Variants in CADM2 observed in about 807,000 individuals in gnomAD.
The protein encoded by CADM2 is immunoglobulin superfamily member 4D.
A neutral mutation model predicts 49.8 loss-of-function variants in CADM2; 12 were observed. The observed-to-expected ratio is 0.24, with a 90% confidence interval of 0.15 to 0.39. The LOEUF (loss-of-function observed/expected upper bound fraction) is 0.39. CADM2 is among the 10% of genes least tolerant of loss of function. The pLI is 1.00. For synonymous variants in CADM2, 214 were observed against 175.4 expected (o/e 1.22, Z -1.74); for missense variants, 378 against 492.3 (o/e 0.77, Z 2.20).
chr3:85,706,209 A>C (rs748014524), intron 1 of CADM2, among the ~76,000 whole-genome samples: 7 of 152,232 alleles, frequency 4.6e-5, no homozygotes, highest in Middle Eastern at 6.8e-3. Flanking sequence ...TTCTGAATTA[A>C]CTCTACATTG....
At chr3:85,874,306 A>G (rs1711522483) in intron 3 of CADM2, among the ~76,000 whole-genome samples, 1 of 152,176 alleles carries the variant, frequency 6.6e-6, no homozygotes, top group African/African-American at 2.4e-5. Context: ...GTAAATGCCA[A>G]CTGAAGGCTT....
chr3:85,829,547 T>C (rs1426020434), intron 3 of CADM2, among the ~76,000 whole-genome samples: 1 of 152,000 alleles, frequency 6.6e-6, no homozygotes, highest in East Asian at 1.9e-4. Context: ...TAAGTATGCA[T>C]TGTGTAATGA....
At chr3:85,617,743 C>T (rs377583628) in intron 1 of CADM2, among the ~76,000 whole-genome samples, 2 of 152,026 alleles carry the variant, frequency 1.3e-5, no homozygotes, top group Non-Finnish European at 1.5e-5. Flanking sequence ...ACCAGTCAGT[C>T]ATTAGGATAA....
chr3:85,039,827 ACTC>A (rs1233070513), intron 1 of CADM2, among the ~76,000 whole-genome samples: 1 of 152,146 alleles, frequency 6.6e-6, no homozygotes, highest in Non-Finnish European at 1.5e-5. Flanking sequence ...ACTTGCTACT[ACTC>A]CTCTTAACTG....
At chr3:85,215,501 G>A (rs2107779902) in intron 1 of CADM2, among the ~76,000 whole-genome samples, 1 of 152,066 alleles carries the variant, frequency 6.6e-6, no homozygotes, top group South Asian at 2.1e-4. Context: ...CAAACAGAGG[G>A]AAGGTTTTTC....
intron 1 of CADM2, among the ~76,000 whole-genome samples, chr3:85,529,285 T>G (rs186329571): frequency 6.6e-6 from 1 of 152,318 alleles, no homozygotes; most frequent in African/African-American, 2.4e-5. Flanking sequence ...TAAGTACACC[T>G]GCAGTTATCC....
chr3:85,092,145 G>T (rs977978742), intron 1 of CADM2, among the ~76,000 whole-genome samples: 17 of 151,958 alleles, frequency 1.1e-4, no homozygotes, highest in Admixed American at 9.8e-4. Context: ...AAAACAATGC[G>T]CCCTGTCCTG....
At chr3:85,883,496 T>A in intron 4 of CADM2, 53 bp downstream of exon 4, 1 of 1,439,610 alleles carries the variant, frequency 6.9e-7, no homozygotes, top group South Asian at 1.3e-5. Flanking sequence ...TGATATATAT[T>A]GCTACAGCAA....
intron 7 of CADM2, among the ~76,000 whole-genome samples, chr3:85,936,227 C>T (rs996991163): frequency 2.0e-5 from 3 of 151,700 alleles, no homozygotes; most frequent in Non-Finnish European, 2.9e-5. Context: ...CCCCAAAATA[C>T]GCCCAAGTTT....
intron 1 of CADM2, among the ~76,000 whole-genome samples, chr3:85,379,854 T>G (rs1326634753): frequency 6.6e-6 from 1 of 152,108 alleles, no homozygotes; most frequent in Non-Finnish European, 1.5e-5. Flanking sequence ...TGGCTTTTAT[T>G]CTATAACTGG....
At chr3:85,894,234 A>T (rs1171073987) in intron 5 of CADM2, among the ~76,000 whole-genome samples, 1 of 152,198 alleles carries the variant, frequency 6.6e-6, no homozygotes, top group Non-Finnish European at 1.5e-5. Context: ...ATTCTCAGCA[A>T]ACTATTGCAA....
At chr3:85,459,568 T>C (rs1198211498) in intron 1 of CADM2, among the ~76,000 whole-genome samples, 1 of 152,258 alleles carries the variant, frequency 6.6e-6, no homozygotes, top group African/African-American at 2.4e-5. Flanking sequence ...ATCAAATTAG[T>C]GTGACCCTAA....
chr3:85,077,902 T>C (rs1315019105), intron 1 of CADM2, among the ~76,000 whole-genome samples: 1 of 152,076 alleles, frequency 6.6e-6, no homozygotes, highest in Non-Finnish European at 1.5e-5. Context: ...CATGACTTGT[T>C]TCTTACTATT....
intron 1 of CADM2, among the ~76,000 whole-genome samples, chr3:85,043,872 T>A (rs1049598585): frequency 6.6e-6 from 1 of 152,138 alleles, no homozygotes; most frequent in Non-Finnish European, 1.5e-5. Flanking sequence ...TAGAAGTATA[T>A]ATGAATGCTA....
intron 7 of CADM2, among the ~76,000 whole-genome samples, chr3:85,937,820 T>G (rs376489986): frequency 1.3e-5 from 2 of 152,122 alleles, no homozygotes; most frequent in Admixed American, 6.6e-5. Context: ...TATAAAAATC[T>G]GTAATTTAAT....
intron 1 of CADM2, among the ~76,000 whole-genome samples, chr3:85,270,321 T>C (rs1407668682): frequency 6.6e-6 from 1 of 151,402 alleles, no homozygotes; most frequent in Non-Finnish European, 1.5e-5. Context: ...CTCTAAGGTC[T>C]GGTTTGTCAC....
intron 1 of CADM2, among the ~76,000 whole-genome samples, chr3:85,200,269 A>G (rs761107699): frequency 3.9e-5 from 6 of 152,072 alleles, no homozygotes; most frequent in South Asian, 2.1e-4. Flanking sequence ...ATTAATTTAT[A>G]TACAAAACTG....
chr3:85,688,940 C>T (rs184912726), intron 1 of CADM2, among the ~76,000 whole-genome samples: 6 of 152,230 alleles, frequency 3.9e-5, no homozygotes, highest in Admixed American at 6.5e-5. Context: ...TATGTAGTTA[C>T]CCAAGAGAAA....
chr3:85,528,921 C>G (rs1370390184), intron 1 of CADM2, among the ~76,000 whole-genome samples: 1 of 152,154 alleles, frequency 6.6e-6, no homozygotes, highest in Admixed American at 6.5e-5. Flanking sequence ...AAACATTTCT[C>G]TTTTTGATAG....
Sources: gnomAD v4.1 joint callset for allele counts (sites outside exome capture counted in the v4.1 genomes callset) on GRCh38, gnomAD v4.1.1 for gene constraint, MANE v1.5 for transcripts, NCBI Gene and HGNC (gene_info 2026-07-23, HGNC 2026-07-21) for gene names.